The following CHL1 variants were observed in gnomAD, a reference collection of about 807,000 sequenced individuals.
CHL1 encodes the protein cell adhesion molecule L1 like, also known as neural cell adhesion molecule L1-like protein.
A neutral mutation model predicts 141.9 loss-of-function variants in CHL1; 96 were observed. The ratio of observed to expected loss-of-function variants is 0.68; its 90% confidence interval spans 0.57 to 0.80. The LOEUF is 0.80. CHL1 is among the 30% of genes least tolerant of loss of function. CHL1 has a pLI of 0.00. For missense variants in CHL1, 1,820 were observed against 1,457.2 expected (o/e 1.25, Z -4.05); for synonymous variants, 613 against 502.2 (o/e 1.22, Z -2.95).
chr3:390,434 C>G (rs1051957889), intron 20 of CHL1, among the ~76,000 whole-genome samples: 29 of 152,206 alleles, frequency 1.9e-4, no homozygotes, highest in Non-Finnish European at 7.3e-5. Context: ...AGGCAAGATG[C>G]CCACAGAATA....
chr3:249,942 C>T (rs1693528613), intron 2 of CHL1, among the ~76,000 whole-genome samples: 1 of 151,268 alleles, frequency 6.6e-6, no homozygotes, highest in Non-Finnish European at 1.5e-5. Context: ...ATTAAACTAA[C>T]AAAAGACAGA....
chr3:242,169 A>G (rs944812152), intron 1 of CHL1, among the ~76,000 whole-genome samples: 30 of 152,106 alleles, frequency 2.0e-4, no homozygotes, highest in African/African-American at 7.2e-4. Context: ...AACCATAAGT[A>G]CATGTGTGTG....
chr3:296,981 G>C (rs531348095), intron 2 of CHL1, among the ~76,000 whole-genome samples: 1 of 152,128 alleles, frequency 6.6e-6, no homozygotes, highest in African/African-American at 2.4e-5. Context: ...GACATCCTGA[G>C]TTTGTATGTG....
In CHL1 at chr3:406,242, C is replaced by G. The variant is rs1235798991; in HGVS notation, c.*531C>G. The G allele has an allele frequency of 6.6e-6, 1 of 152,326 alleles. No individual in the cohort carries two copies. Among genetic ancestry groups the G allele is most frequent in the Non-Finnish European group, 1.5e-5 (1 of 68,188 alleles). 9.4% of individuals were successfully genotyped at this position (152,326 alleles called of 1,614,324 possible). A position where few individuals can be genotyped will look rare whatever the true frequency, so the allele number is the denominator to read the frequency against. On this transcript the variant is annotated 3_prime_UTR_variant, in exon 28 of 28. Coordinates refer to ENST00000256509, the MANE Select transcript of CHL1 (RefSeq NM_006614.4). ...GTCTAAATTTATTATTTAAATTTTACTAGCAAAAGTCTTAGGTGAACAATC... is the reference window on the plus strand; with the variant it reads ...GTCTAAATTTATTATTTAAATTTTAGTAGCAAAAGTCTTAGGTGAACAATC...
intron 2 of CHL1, among the ~76,000 whole-genome samples, chr3:316,513 T>C (rs1020252726): frequency 3.3e-5 from 5 of 151,988 alleles, no homozygotes; most frequent in Non-Finnish European, 5.9e-5. Flanking sequence ...GGAATTAAAA[T>C]TTAACCCAGT....
At chr3:394,137 T>C (rs1265120591) in intron 23 of CHL1, among the ~76,000 whole-genome samples, 4 of 152,196 alleles carry the variant, frequency 2.6e-5, no homozygotes, top group Admixed American at 2.0e-4. Context: ...GCACTTTACA[T>C]AGTACTTAGT....
Position 328,255 on chromosome 3 carries a change from A to G in CHL1, c.286A>G (p.Asn96Asp). The change falls in exon 5 of 28, where the codon AAC (asparagine) becomes GAC (aspartate). Residue 96 changes from asparagine to aspartate, a missense_variant. By Grantham distance (23) the Asn-to-Asp change is conservative. Coordinates refer to ENST00000256509, the MANE Select transcript of CHL1 (RefSeq NM_006614.4). The stretch of plus-strand genomic sequence containing the variant: ...CAATTCAGGAACATTCAGGATCCCA[A>G]ACGAGGGGCACATATCTCACTTTCA... ...SNNSGTFRIP[N>D]EGHISHFQGK... 6.2e-7 allele frequency: 1 copy of G among 1,612,968 alleles called. No homozygotes were observed. The highest frequency in any genetic ancestry group is 8.5e-7 in the Non-Finnish European group (1 of 1,179,230).
At chr3:204,901 C>G (rs767130067) in intron 1 of CHL1, among the ~76,000 whole-genome samples, 2 of 151,886 alleles carry the variant, frequency 1.3e-5, no homozygotes, top group Non-Finnish European at 2.9e-5. Flanking sequence ...ACATAGTGAA[C>G]AAAAAGAAAC....
At chr3:253,737 C>T (rs1693912078) in intron 2 of CHL1, among the ~76,000 whole-genome samples, 1 of 152,106 alleles carries the variant, frequency 6.6e-6, no homozygotes, top group Non-Finnish European at 1.5e-5. Context: ...ACTTGCAGTA[C>T]TCTTTCTTCA....
chr3:215,650 T>G (rs548621288), intron 1 of CHL1, among the ~76,000 whole-genome samples: 1 of 152,202 alleles, frequency 6.6e-6, no homozygotes, highest in Admixed American at 6.5e-5. Flanking sequence ...TCCATAGATG[T>G]GTGTACTTAT....
At chr3:394,510 A>G (rs1229024570) in intron 23 of CHL1, among the ~76,000 whole-genome samples, 183 bp from the exon 24 acceptor site, 1 of 152,138 alleles carries the variant, frequency 6.6e-6, no homozygotes, top group Non-Finnish European at 1.5e-5. Context: ...GCGAGACCTC[A>G]GTTTTGTCAT....
chr3:341,601 A>C (rs1026296400), intron 6 of CHL1, among the ~76,000 whole-genome samples: 1 of 152,182 alleles, frequency 6.6e-6, no homozygotes, highest in East Asian at 1.9e-4. Context: ...ATCAGTTTTC[A>C]GTTCAGCCAA....
chr3:351,979 C>T (rs1443925078), intron 10 of CHL1, among the ~76,000 whole-genome samples: 2 of 152,128 alleles, frequency 1.3e-5, no homozygotes, highest in African/African-American at 4.8e-5. Context: ...ATCACAATCA[C>T]ATTTCAATAG....
rs189691222 is a variant in CHL1, at chr3:291,115, G to C, written c.-94-28568G>C. On this transcript the variant is annotated intron_variant, in intron 2 of 27. Transcript: ENST00000256509. ...TTTTTGCTGTAAACCAGGGTTGCCT[G>C]TTTAATATTTGTATTTCATTATGAG... Among the ~76,000 whole-genome samples, 111 of 152,062 alleles carry C rather than the reference G, an allele frequency of 7.3e-4. 4 individuals carry two copies. In the South Asian group the frequency reaches 0.019, roughly 26 times the overall value.
chr3:256,272 A>G (rs1426545662), intron 2 of CHL1, among the ~76,000 whole-genome samples: 1 of 152,210 alleles, frequency 6.6e-6, no homozygotes, highest in Non-Finnish European at 1.5e-5. Flanking sequence ...GAAATCTCCA[A>G]ATTATTGTAT....
intron 15 of CHL1, among the ~76,000 whole-genome samples, chr3:369,985 C>T (rs956199727): frequency 1.3e-5 from 2 of 152,120 alleles, no homozygotes; most frequent in South Asian, 2.1e-4. Flanking sequence ...TGATGTGCTG[C>T]TGGATTTGGT....
rs1212658673 is a variant in CHL1 at position 317,520 on chromosome 3, A to G, written c.-94-2163A>G. Among the ~76,000 whole-genome samples, 6 of 151,904 alleles carry G rather than the reference A, an allele frequency of 3.9e-5. No homozygotes were observed. The East Asian group carries it at 5.8e-4, about 15-fold the overall frequency. On this transcript the variant is annotated intron_variant, in intron 2 of 27. Coordinates refer to ENST00000256509, the MANE Select transcript of CHL1 (RefSeq NM_006614.4). ...ACAAATAAAAGGCAACTCATAAAAC[A>G]CATACATGAGATGCTCTTAAAGCCA...
chr3:300,946 G>A (rs928000404), intron 2 of CHL1, among the ~76,000 whole-genome samples: 1 of 152,150 alleles, frequency 6.6e-6, no homozygotes, highest in Non-Finnish European at 1.5e-5. Context: ...TGTTTAGGAA[G>A]TTAAAAGAAC....
At chr3:226,225 T>C (rs1299006576) in intron 1 of CHL1, among the ~76,000 whole-genome samples, 1 of 150,126 alleles carries the variant, frequency 6.7e-6, no homozygotes, top group African/African-American at 2.4e-5. Context: ...TTTTACCATG[T>C]TGGCCACGCT....
Sources: gnomAD v4.1 joint callset for allele counts (sites outside exome capture counted in the v4.1 genomes callset) on GRCh38, gnomAD v4.1.1 for gene constraint, MANE v1.5 for transcripts, NCBI Gene and HGNC (gene_info 2026-07-23, HGNC 2026-07-21) for gene names.